Variants in TRPM4 observed in about 807,000 individuals in gnomAD.
TRPM4 encodes the protein transient receptor potential cation channel subfamily M member 4.
Under a neutral mutation model 135.6 loss-of-function variants are expected in TRPM4, and 124 were observed. The ratio of observed to expected loss-of-function variants is 0.91; its 90% CI spans 0.79 to 1.06. TRPM4 has a LOEUF of 1.06. Among genes scored for constraint, TRPM4 ranks in the 50% least tolerant of loss-of-function variants. TRPM4 has a pLI of 0.00. For missense variants in TRPM4, 1,658 were observed against 1,671.4 expected (o/e 0.99, Z 0.14); for synonymous variants, 745 against 705.6 (o/e 1.06, Z -0.88).
At chr19:49,198,163 G>A (rs572796922) in intron 17 of TRPM4, among the ~76,000 whole-genome samples, 5 of 152,254 alleles carry the variant, frequency 3.3e-5, no homozygotes, top group African/African-American at 1.2e-4. Context: ...TTCAAGCAGG[G>A]AGCAAGATAT....
intron 10 of TRPM4, among the ~76,000 whole-genome samples, chr19:49,181,785 G>A (rs909555361): frequency 6.6e-6 from 1 of 152,012 alleles, no homozygotes; most frequent in Non-Finnish European, 1.5e-5. Flanking sequence ...GCCCGCCTCA[G>A]GCTCCCAAAG....
At chr19:49,186,082 A>G (rs1365833710) in intron 12 of TRPM4, among the ~76,000 whole-genome samples, 1 of 152,104 alleles carries the variant, frequency 6.6e-6, no homozygotes, top group Non-Finnish European at 1.5e-5. Flanking sequence ...CTTTTTTGGA[A>G]AGTCTGTATT....
In TRPM4 at chr19:49,158,297, G is replaced by T. The variant is rs576496567; in HGVS notation, c.92+38G>T. 1.7e-5 allele frequency: 27 copies of T among 1,597,024 alleles called. No homozygotes were observed. The Admixed American group carries it at 2.7e-4, about 16-fold the overall frequency. On this transcript the variant is annotated intron_variant, in intron 2 of 24. Coordinates refer to ENST00000252826, the MANE Select transcript of TRPM4 (RefSeq NM_017636.4). ...CCCCTGGACTGACCCCAGAGGGTCCGCGGCCCGCTGACCCCGCCCGCGGAT... is the reference window on the plus strand; with the variant it reads ...CCCCTGGACTGACCCCAGAGGGTCCTCGGCCCGCTGACCCCGCCCGCGGAT...
At position 49,190,361 on chromosome 19, in the gene TRPM4, G is replaced by T. The variant is rs764555994; in HGVS notation, c.2132+41G>T. On this transcript the variant is annotated intron_variant, in intron 15 of 24. Transcript: ENST00000252826. ...TGAGAGTGGTGGGGATGGGGGCGGG[G>T]TGCTCAGTTTCTCCTTCCTGCCCCC... The T allele has an allele frequency of 7.0e-6, 11 of 1,569,748 alleles. No individual in the cohort carries two copies. In the Admixed American group the frequency reaches 1.5e-4, roughly 21 times the overall value.
chr19:49,210,631 G>C lies in TRPM4; in HGVS notation c.3329-79G>C. ...GGGCTGGGTCTGGGATAGCGTGCGTGTTCTGAGGGTGTCGGAAGGGGCAGC... is the reference window on the plus strand; with the variant it reads ...GGGCTGGGTCTGGGATAGCGTGCGTCTTCTGAGGGTGTCGGAAGGGGCAGC... On this transcript the variant is annotated intron_variant, in intron 21 of 24. Coordinates refer to ENST00000252826, the MANE Select transcript of TRPM4 (RefSeq NM_017636.4). The surrounding 1 kb of genome is among the most constrained non-coding windows in gnomAD (Gnocchi z 4.1). 1 of 1,607,406 alleles carries C rather than the reference G, an allele frequency of 6.2e-7. No individual in the cohort carries two copies. The highest frequency in any genetic ancestry group is 8.5e-7 in the Non-Finnish European group (1 of 1,175,266).
chr19:49,190,745 A>G lies in TRPM4; in HGVS notation c.2182A>G (p.Ser728Gly). 6.2e-7 allele frequency: 1 copy of G among 1,614,056 alleles called. No individual in the cohort carries two copies. The highest frequency in any genetic ancestry group is 1.1e-5 in the South Asian group (1 of 91,078). The change falls in exon 16 of 25, where the codon AGT becomes GGT. Residue 728 changes from serine to glycine, a missense_variant. Around this residue, in one of 3 missense-constraint regions of TRPM4, gnomAD observed 1,412 missense variants for 1,408.7 expected, o/e 1.00. Transcript: ENST00000252826. ...GGAGGAGCTAGAGTTTGACATGGAT[A>G]GTGTCATTAATGGGGAAGGGCCTGT... Reference protein sequence around the residue: ...TREELEFDMDSVINGEGPVGT... With the variant: ...TREELEFDMDGVINGEGPVGT...
chr19:49,188,525 C>T, intron 12 of TRPM4, 116 bp from the exon 13 acceptor site: 1 of 1,421,690 alleles, frequency 7.0e-7, no homozygotes, highest in South Asian at 1.2e-5. Flanking sequence ...TCATCCTTGG[C>T]CTCTGATGAC....
rs759820855 is a variant in TRPM4, at chr19:49,171,701, C to G, written c.982C>G (p.Gln328Glu). 1 of 1,613,936 alleles carries G rather than the reference C, an allele frequency of 6.2e-7. No homozygotes were observed. The highest frequency in any genetic ancestry group is 1.1e-5 in the South Asian group (1 of 91,080). Reference protein sequence around the residue: ...TLAPGSGGARQGEARDRIRRF... With the variant: ...TLAPGSGGAREGEARDRIRRF... ...GGCCCCAGGGAGTGGGGGAGCCAGGCAAGGCGAAGCCCGAGATCGAATCAG... is the reference window on the plus strand; with the variant it reads ...GGCCCCAGGGAGTGGGGGAGCCAGGGAAGGCGAAGCCCGAGATCGAATCAG... The change falls in exon 8 of 25, where the codon CAA becomes GAA. Residue 328 changes from glutamine (Q) to glutamate (E), a missense_variant. Coordinates refer to ENST00000252826, the MANE Select transcript of TRPM4 (RefSeq NM_017636.4). The surrounding 1 kb of genome is among the most constrained non-coding windows in gnomAD (Gnocchi z 4.7).
intron 9 of TRPM4, among the ~76,000 whole-genome samples, chr19:49,174,493 G>A (rs1412074328): frequency 6.6e-6 from 1 of 151,752 alleles, no homozygotes; most frequent in African/African-American, 2.4e-5. Flanking sequence ...AGGCACAGTG[G>A]CTCACACGTG....
chr19:49,177,870 G>C (rs568686300), intron 9 of TRPM4, among the ~76,000 whole-genome samples: 9 of 152,160 alleles, frequency 5.9e-5, no homozygotes, highest in Non-Finnish European at 1.2e-4. Flanking sequence ...TTTGGAGAGA[G>C]GTCAGAGGCT....
At chr19:49,200,181 G>GGGTCCT (rs1157978897) in intron 17 of TRPM4, 119 bp from the exon 18 acceptor site, 2 of 1,486,768 alleles carry the variant, frequency 1.3e-6, no homozygotes, top group Non-Finnish European at 1.9e-6. Flanking sequence ...GTGACTGGGA[G>GGGTCCT]GGTCCTGGTC....
chr19:49,190,100 A>G, intron 14 of TRPM4, 108 bp from the exon 15 acceptor site: 2 of 909,508 alleles, frequency 2.2e-6, no homozygotes, highest in Non-Finnish European at 3.7e-6. Flanking sequence ...TGGCTGTGAC[A>G]TTGGGCACTT....
At chr19:49,173,830 C>CA (rs1037855602) in intron 9 of TRPM4, among the ~76,000 whole-genome samples, 74 of 150,766 alleles carry the variant, frequency 4.9e-4, no homozygotes, top group Middle Eastern at 3.5e-3. Context: ...GTAAATTAAA[C>CA]AAAAAAAAAA....
intron 3 of TRPM4, 111 bp from the exon 4 acceptor site, chr19:49,167,806 G>A: frequency 1.1e-6 from 1 of 873,418 alleles, no homozygotes; most frequent in East Asian, 2.4e-5. Context: ...CTCTCTCTGG[G>A]TCTCTGTCCC....
chr19:49,205,205 C>T (rs1969103182), intron 20 of TRPM4, among the ~76,000 whole-genome samples: 1 of 152,112 alleles, frequency 6.6e-6, no homozygotes, highest in South Asian at 2.1e-4. Flanking sequence ...ATTCTGGATG[C>T]TAGAGGTCCA....
rs200167232 is a variant in TRPM4 at position 49,210,333 on chromosome 19, C to T, written c.3256C>T (p.Arg1086Cys). 6.2e-7 allele frequency: 1 copy of T among 1,614,216 alleles called. No individual in the cohort carries two copies. The highest frequency in any genetic ancestry group is 8.5e-7 in the Non-Finnish European group (1 of 1,180,040). The change falls in exon 21 of 25, where the codon CGC becomes TGC. Residue 1086 changes from arginine (R) to cysteine (C), a missense_variant. Arg to Cys is a radical substitution (Grantham distance 180). Around this residue, in one of 3 missense-constraint regions of TRPM4, gnomAD observed 1,412 missense variants for 1,408.7 expected, o/e 1.00. Coordinates refer to ENST00000252826, the MANE Select transcript of TRPM4 (RefSeq NM_017636.4). The surrounding 1 kb of genome is among the most constrained non-coding windows in gnomAD (Gnocchi z 4.1). ...GCCCTTTATCGTCATCTCCCACTTG[C>T]GCCTCCTGCTCAGGCAATTGTGCAG... is the stretch of plus-strand genomic sequence containing the variant. ...APPFIVISHL[R>C]LLLRQLCRRP... is the part of the protein sequence containing the mutation.
rs1175892631 is a variant in TRPM4 at position 49,196,623 on chromosome 19, G to A, written c.2394G>A (p.Ser798=). The A allele has an allele frequency of 6.4e-7, 1 of 1,553,052 alleles. No homozygotes were observed. Among genetic ancestry groups the A allele is most frequent in the East Asian group, 2.4e-5 (1 of 41,780 alleles). ...ACCTGCTGTTCCTGCTGCTTTTCTC[G>A]CGGGTGCTGCTCGTGGATTTCCAGC... ...VSYLLFLLLF[S]RVLLVDFQPA... The change falls in exon 17 of 25, where the codon TCG becomes TCA. Residue 798 remains serine (S), a synonymous_variant. Coordinates refer to ENST00000252826, the MANE Select transcript of TRPM4 (RefSeq NM_017636.4).
chr19:49,208,500 G>A, intron 20 of TRPM4, among the ~76,000 whole-genome samples: 1 of 151,228 alleles, frequency 6.6e-6, no homozygotes. Flanking sequence ...ATAACAGAAG[G>A]CTCACACTCT....
rs773678555 is a variant in TRPM4, at chr19:49,200,289, C to A, written c.2646-11C>A. The A allele has an allele frequency of 1.9e-6, 3 of 1,614,004 alleles. No individual in the cohort carries two copies. Among genetic ancestry groups the A allele is most frequent in the African/African-American group, 1.3e-5 (1 of 74,920 alleles). On this transcript the variant is annotated splice_polypyrimidine_tract_variant and intron_variant, in intron 17 of 24. Coordinates refer to ENST00000252826, the MANE Select transcript of TRPM4 (RefSeq NM_017636.4). ...GACACTTGACCCTTGTGGCATCTCC[C>A]CACACCCCAGGCTGACCCCGGGTTT...
Sources: gnomAD v4.1 joint callset for allele counts (sites outside exome capture counted in the v4.1 genomes callset) on GRCh38, gnomAD v4.1.1 for gene constraint, gnomAD v4.1.1 regional missense constraint, Gnocchi (gnomAD v3.1) non-coding constraint, MANE v1.5 for transcripts, NCBI Gene and HGNC (gene_info 2026-07-23, HGNC 2026-07-21) for gene names.